The following FRMD4B variants were observed in gnomAD, a reference collection of about 807,000 sequenced individuals.
FRMD4B encodes the protein FERM domain containing 4B.
In FRMD4B, 74 loss-of-function variants were observed where a neutral mutation model predicts 141.5. The ratio of observed to expected loss-of-function variants is 0.52; its 90% CI spans 0.43 to 0.63. The LOEUF (loss-of-function observed/expected upper bound fraction) is 0.63, where lower values mean the gene tolerates loss of function less well. Ranked by LOEUF, FRMD4B falls within the 30% of genes least tolerant of loss-of-function variation. The pLI, the probability that FRMD4B is intolerant of heterozygous loss-of-function variation, is 0.00. For synonymous variants in FRMD4B, 506 were observed against 467.9 expected (o/e 1.08, Z -1.05); for missense variants, 1,366 against 1,253.4 (o/e 1.09, Z -1.36).
chr3:69,218,257 A>G, intron 10 of FRMD4B, 65 bp downstream of exon 10: 2 of 794,138 alleles, frequency 2.5e-6, no homozygotes, highest in Non-Finnish European at 4.3e-6. Flanking sequence ...TATAGTATGA[A>G]AAAAGCTGGT....
intron 5 of FRMD4B, among the ~76,000 whole-genome samples, chr3:69,286,342 T>C: frequency 6.6e-6 from 1 of 152,196 alleles, no homozygotes; most frequent in East Asian, 1.9e-4. Flanking sequence ...TATCTAAAAG[T>C]AAATTGTATG....
intron 2 of FRMD4B, among the ~76,000 whole-genome samples, chr3:69,312,813 C>T (rs1463332628): frequency 3.9e-5 from 6 of 152,064 alleles, no homozygotes; most frequent in Non-Finnish European, 2.9e-5. Flanking sequence ...CACTTGAACC[C>T]GGGAGGCAGA....
chr3:69,282,477 C>T (rs1021406031), intron 5 of FRMD4B, among the ~76,000 whole-genome samples: 1 of 152,110 alleles, frequency 6.6e-6, no homozygotes, highest in Non-Finnish European at 1.5e-5. Context: ...ACTATGTTCT[C>T]ATAAAACTTA....
intron 1 of FRMD4B, among the ~76,000 whole-genome samples, chr3:69,345,421 C>A (rs1246761178): frequency 6.6e-6 from 1 of 152,206 alleles, no homozygotes; most frequent in Non-Finnish European, 1.5e-5. Flanking sequence ...CAGGGCATAG[C>A]CAAACAAAAG....
chr3:69,236,007 A>G (rs924839147), intron 7 of FRMD4B, among the ~76,000 whole-genome samples: 5 of 152,302 alleles, frequency 3.3e-5, no homozygotes, highest in Admixed American at 1.3e-4. Context: ...TAATTCCACC[A>G]AAATATGTAT....
chr3:69,378,942 G>T (rs890929768), intron 1 of FRMD4B, among the ~76,000 whole-genome samples: 2 of 152,050 alleles, frequency 1.3e-5, no homozygotes, highest in Admixed American at 1.3e-4. Flanking sequence ...AAGCTTCCTT[G>T]GTCCTTCCCT....
Position 69,213,819 on chromosome 3 carries a change from T to C in FRMD4B, c.876+2444A>G, listed in dbSNP as rs1050079181. ...CTGGGACTACAGGCATTTGCCACCA[T>C]GCCTGGCTAATTTGTTAAGTTTTCT... On this transcript the variant is annotated intron_variant, in intron 11 of 22. Coordinates refer to ENST00000398540, the MANE Select transcript of FRMD4B (RefSeq NM_015123.3). 5.3e-5 allele frequency among the ~76,000 whole-genome samples: 8 copies of C among 152,012 alleles called. 1 individual carries two copies. The highest frequency in any genetic ancestry group is 1.7e-4 in the African/African-American group (7 of 41,390).
intron 19 of FRMD4B, among the ~76,000 whole-genome samples, chr3:69,182,966 T>C (rs1037413370): frequency 1.3e-5 from 2 of 152,284 alleles, no homozygotes; most frequent in African/African-American, 2.4e-5. Flanking sequence ...AAGAGTACAC[T>C]GAATAAAAAG....
chr3:69,271,815 G>C (rs1001609479), intron 5 of FRMD4B, among the ~76,000 whole-genome samples: 5 of 151,706 alleles, frequency 3.3e-5, no homozygotes, highest in Non-Finnish European at 7.4e-5. Context: ...TCTACCAAAA[G>C]TACAAAAAAA....
At chr3:69,192,981 C>T (rs6789821) in intron 17 of FRMD4B, among the ~76,000 whole-genome samples, 11,257 of 151,864 alleles carry the variant, frequency 0.074, 1,169 homozygotes, top group East Asian at 0.28. Flanking sequence ...CCATGCCTGG[C>T]TAATTTTTAA....
At position 69,229,530 on chromosome 3, in the gene FRMD4B, G is replaced by A. The variant is rs72929565; in HGVS notation, c.582-4840C>T. On this transcript the variant is annotated intron_variant, in intron 7 of 22. Transcript: ENST00000398540. Reference sequence around the variant, plus strand: ...TATTTGAAGTGGTTGAGCTGTGGACGTGACTATAACACTAAAAGAGAAAGC... The same window carrying A: ...TATTTGAAGTGGTTGAGCTGTGGACATGACTATAACACTAAAAGAGAAAGC... 8.9e-3 allele frequency among the ~76,000 whole-genome samples: 1,354 copies of A among 152,234 alleles called. 13 individuals carry two copies. Among genetic ancestry groups the A allele is most frequent in the African/African-American group, 0.031 (1,287 of 41,520 alleles).
At chr3:69,516,080 C>A (rs529531223) in intron 1 of FRMD4B, among the ~76,000 whole-genome samples, 16 of 151,946 alleles carry the variant, frequency 1.1e-4, no homozygotes, top group Non-Finnish European at 2.2e-4. Context: ...AAAAAATTAG[C>A]CAGGTGTGGT....
At chr3:69,416,054 A>C (rs994961518) in intron 2 of FRMD4B, among the ~76,000 whole-genome samples, 1 of 152,206 alleles carries the variant, frequency 6.6e-6, no homozygotes, top group Non-Finnish European at 1.5e-5. Flanking sequence ...ATATAGGGGA[A>C]CCACTTTTTG....
intron 1 of FRMD4B, among the ~76,000 whole-genome samples, chr3:69,455,817 C>T (rs1190642286): frequency 6.6e-6 from 1 of 152,184 alleles, no homozygotes; most frequent in Non-Finnish European, 1.5e-5. Flanking sequence ...AAACATTGTG[C>T]TGGCTCCCAC....
chr3:69,388,410 G>C (rs1434305869), upstream of FRMD4B, among the ~76,000 whole-genome samples: 1 of 152,166 alleles, frequency 6.6e-6, no homozygotes, highest in Non-Finnish European at 1.5e-5. Flanking sequence ...TGCTAGAGAT[G>C]CAAGCTCTCA....
chr3:69,510,267 T>C (rs1327043609), intron 1 of FRMD4B, among the ~76,000 whole-genome samples: 2 of 152,220 alleles, frequency 1.3e-5, no homozygotes, highest in Admixed American at 1.3e-4. Flanking sequence ...GAGATGAAAA[T>C]ATTGTAACAT....
intron 1 of FRMD4B, among the ~76,000 whole-genome samples, chr3:69,458,547 T>C (rs1205064121): frequency 6.6e-6 from 1 of 152,152 alleles, no homozygotes; most frequent in African/African-American, 2.4e-5. Context: ...AGGTGGACAT[T>C]TGATGGGCTA....
chr3:69,202,496 A>G (rs914165759), intron 11 of FRMD4B, among the ~76,000 whole-genome samples: 4 of 151,522 alleles, frequency 2.6e-5, no homozygotes, highest in Non-Finnish European at 5.9e-5. Context: ...AAAAAAAAAA[A>G]GAGGAGCTTT....
intron 2 of FRMD4B, among the ~76,000 whole-genome samples, chr3:69,430,245 C>T (rs886608831): frequency 1.3e-5 from 2 of 152,130 alleles, no homozygotes; most frequent in African/African-American, 4.8e-5. Context: ...GTCCCTGAGC[C>T]CCATTCTTGA....
Sources: gnomAD v4.1 joint callset for allele counts (sites outside exome capture counted in the v4.1 genomes callset) on GRCh38, gnomAD v4.1.1 for gene constraint, MANE v1.5 for transcripts, NCBI Gene and HGNC (gene_info 2026-07-23, HGNC 2026-07-21) for gene names.